DNMT1: variants seen among roughly 807,000 people sequenced by gnomAD.
DNMT1 encodes DNA methyltransferase 1, also known as DNA (cytosine-5)-methyltransferase 1.
DNMT1 carries 24 observed loss-of-function variants against 205.3 expected under a neutral mutation model. The ratio of observed to expected loss-of-function variants is 0.12; its 90% confidence interval spans 0.08 to 0.16. The LOEUF (loss-of-function observed/expected upper bound fraction) is 0.16. Ranked by LOEUF, DNMT1 falls within the 10% of genes least tolerant of loss-of-function variation. The probability of loss-of-function intolerance (pLI) is 1.00; values close to 1 mark genes in which losing one functional copy is unlikely to be tolerated. For synonymous variants in DNMT1, 817 were observed against 839.8 expected, an observed-to-expected ratio of 0.97 and a Z score of 0.47; for missense variants, 1,293 against 2,177.7, an observed-to-expected ratio of 0.59 and a Z score of 8.09.
chr19:10,142,142 G>A lies in DNMT1; in HGVS notation c.3195C>T (p.Ala1065=), dbSNP rs773202219. The A allele has an allele frequency of 9.3e-6, 15 of 1,613,904 alleles. No homozygotes were observed. The highest frequency in any genetic ancestry group is 2.7e-5 in the African/African-American group (2 of 74,926). Residue 1065 remains alanine, a synonymous_variant, in exon 30 of 41, where the codon GCC becomes GCT. Coordinates refer to ENST00000359526, the MANE Select transcript of DNMT1 (RefSeq NM_001130823.3). The part of the protein sequence containing the change: ...INLLYWSDEE[A]VVDFKAVQGR... ...CCTGCACAGCCTTGAAGTCCACCACGGCCTCCTCGTCGCTCCAGTAGAGCA... is the reference window on the plus strand; with the variant it reads ...CCTGCACAGCCTTGAAGTCCACCACAGCCTCCTCGTCGCTCCAGTAGAGCA...
intron 9 of DNMT1, among the ~76,000 whole-genome samples, chr19:10,168,597 T>C (rs182451420): frequency 6.6e-6 from 1 of 152,272 alleles, no homozygotes; most frequent in African/African-American, 2.4e-5. Flanking sequence ...CTTTTCTTCT[T>C]CAGTGGGGTA....
rs2038405270 is a variant in DNMT1, at chr19:10,154,127, A to C, written c.2019+166T>G. On this transcript the variant is annotated intron_variant, in intron 22 of 40. Coordinates refer to ENST00000359526, the MANE Select transcript of DNMT1 (RefSeq NM_001130823.3). This position sits in a 1 kb window ranked among gnomAD's most constrained non-coding sequence, Gnocchi z 6.3. ...GTGGACATCTGTCCTATTGACGTTC[A>C]ATGAAGTATGCAGGGTCCTCCCAGA... Among the ~76,000 whole-genome samples, 1 of 152,140 alleles carries C rather than the reference A, an allele frequency of 6.6e-6. No homozygotes were observed. Among genetic ancestry groups the C allele is most frequent in the Non-Finnish European group, 1.5e-5 (1 of 68,000 alleles).
intron 1 of DNMT1, among the ~76,000 whole-genome samples, chr19:10,191,303 A>C (rs545587856): frequency 9.9e-5 from 15 of 151,630 alleles, no homozygotes. Flanking sequence ...AAAAAAATCT[A>C]AGTTTCAAGT....
intron 5 of DNMT1, among the ~76,000 whole-genome samples, chr19:10,178,087 T>C (rs2038969803): frequency 6.6e-6 from 1 of 150,964 alleles, no homozygotes; most frequent in Non-Finnish European, 1.5e-5. Context: ...TGAAACCCCG[T>C]CTCTATTAAA....
At position 10,146,279 on chromosome 19, in the gene DNMT1, G is replaced by GA; in HGVS notation, c.2894+71_2894+72insT. On this transcript the variant is annotated intron_variant, in intron 28 of 40. Transcript: ENST00000359526. The surrounding 1 kb of genome is among the most constrained non-coding windows in gnomAD (Gnocchi z 4.4). The stretch of plus-strand genomic sequence containing the variant: ...GAGGGATTGGCAATGTCTGTAAGGA[G>GA]GGGGACACCACAAAGCCAGCCTGGC... 4 of 1,576,410 alleles carry GA rather than the reference G, an allele frequency of 2.5e-6. No homozygotes were observed. Among genetic ancestry groups the GA allele is most frequent in the Non-Finnish European group, 3.5e-6 (4 of 1,154,690 alleles).
chr19:10,147,077 A>C (rs927531649), intron 27 of DNMT1, among the ~76,000 whole-genome samples: 1 of 151,676 alleles, frequency 6.6e-6, no homozygotes, highest in Admixed American at 6.6e-5. Flanking sequence ...TGGCCAACAC[A>C]GTGAGACCCC....
intron 8 of DNMT1, among the ~76,000 whole-genome samples, chr19:10,173,478 GTTC>G (rs1271574538): frequency 6.6e-6 from 1 of 151,016 alleles, no homozygotes; most frequent in Non-Finnish European, 1.5e-5. Context: ...ACACGATAAA[GTTC>G]TTCTTTTTAA....
intron 28 of DNMT1, 182 bp from the exon 29 acceptor site, chr19:10,144,169 G>T: frequency 1.5e-6 from 1 of 675,616 alleles, no homozygotes; most frequent in Non-Finnish European, 2.6e-6. Context: ...CAGCACTTTG[G>T]GAGACCAAGG....
In DNMT1 at chr19:10,154,838, T is replaced by C. The variant is rs914795269; in HGVS notation, c.1645-65A>G. On this transcript the variant is annotated intron_variant, in intron 20 of 40. Transcript: ENST00000359526. The surrounding 1 kb of genome is among the most constrained non-coding windows in gnomAD (Gnocchi z 6.3). ...TGGCCTAAATCCAACTGAAGAACAGTGTCTGCTGGTTCTGAAGGCAAGTTT... is the reference window on the plus strand; with the variant it reads ...TGGCCTAAATCCAACTGAAGAACAGCGTCTGCTGGTTCTGAAGGCAAGTTT... 2.5e-6 allele frequency: 4 copies of C among 1,614,088 alleles called. No individual in the cohort carries two copies. In the African/African-American group the frequency reaches 4.0e-5, roughly 16 times the overall value.
At chr19:10,181,381 G>A (rs1275867047) in intron 2 of DNMT1, among the ~76,000 whole-genome samples, 1 of 151,494 alleles carries the variant, frequency 6.6e-6, no homozygotes, top group South Asian at 2.1e-4. Context: ...CCTGGGAGGC[G>A]AAGGTTGCAG....
At chr19:10,135,571 T>G in intron 39 of DNMT1, 165 bp downstream of exon 39, 1 of 727,312 alleles carries the variant, frequency 1.4e-6, no homozygotes, top group East Asian at 2.7e-5. Context: ...CTCGGATGTC[T>G]CAGCACTGTC....
At chr19:10,173,197 C>A (rs944796597) in intron 8 of DNMT1, 23 bp from the exon 9 acceptor site, 6 of 1,613,532 alleles carry the variant, frequency 3.7e-6, no homozygotes, top group Non-Finnish European at 5.1e-6. Flanking sequence ...ATAACACAGA[C>A]CCCAAGTGTG....
chr19:10,158,406 C>T (rs1235183240), intron 17 of DNMT1, among the ~76,000 whole-genome samples: 1 of 152,192 alleles, frequency 6.6e-6, no homozygotes, highest in East Asian at 1.9e-4. Context: ...GGTGCCCTCC[C>T]AGTGGGTACA....
At chr19:10,152,241 T>C (rs1299726158) in intron 22 of DNMT1, among the ~76,000 whole-genome samples, 1 of 95,490 alleles carries the variant, frequency 1.0e-5, no homozygotes, top group Non-Finnish European at 2.1e-5. Context: ...AGACAAATGA[T>C]GCATTAAGAC....
At chr19:10,193,517 C>T (rs1003449728) in intron 1 of DNMT1, among the ~76,000 whole-genome samples, 1 of 151,972 alleles carries the variant, frequency 6.6e-6, no homozygotes, top group South Asian at 2.1e-4. Context: ...GCGCACGGCA[C>T]TACTCCAGGC....
chr19:10,156,374 C>T lies in DNMT1; in HGVS notation c.1399+17G>A. ...TTTTAAAGTGTGCCCCAAACATAAT[C>T]CCGGACTATTCCTTACCTTCAAGAG... On this transcript the variant is annotated intron_variant, in intron 18 of 40. Coordinates refer to ENST00000359526, the MANE Select transcript of DNMT1 (RefSeq NM_001130823.3). This position sits in a 1 kb window ranked among gnomAD's most constrained non-coding sequence, Gnocchi z 4.2. 1 of 1,589,946 alleles carries T rather than the reference C, an allele frequency of 6.3e-7. No individual in the cohort carries two copies. The highest frequency in any genetic ancestry group is 1.7e-5 in the Admixed American group (1 of 59,804).
intron 19 of DNMT1, 82 bp from the exon 20 acceptor site, chr19:10,155,138 C>T (rs895029040): frequency 3.2e-6 from 5 of 1,561,222 alleles, no homozygotes; most frequent in Non-Finnish European, 3.5e-6. Context: ...AGGAGTCTAC[C>T]AAACTCACCC....
intron 12 of DNMT1, 66 bp from the exon 13 acceptor site, chr19:10,162,814 CG>C: frequency 6.5e-7 from 1 of 1,549,862 alleles, no homozygotes; most frequent in Admixed American, 1.7e-5. Context: ...CCAACTCGCA[CG>C]GAAAGTGACA....
intron 9 of DNMT1, among the ~76,000 whole-genome samples, chr19:10,170,804 GTTTGT>G (rs2038801170): frequency 1.3e-5 from 2 of 151,870 alleles, no homozygotes; most frequent in Non-Finnish European, 2.9e-5. Context: ...TTGTTTGTTT[GTTTGT>G]TTTAAGACCA....
Sources: gnomAD v4.1 joint callset for allele counts (sites outside exome capture counted in the v4.1 genomes callset) on GRCh38, gnomAD v4.1.1 for gene constraint, Gnocchi (gnomAD v3.1) non-coding constraint, MANE v1.5 for transcripts, NCBI Gene and HGNC (gene_info 2026-07-23, HGNC 2026-07-21) for gene names.